FIG4: variants seen among roughly 807,000 people sequenced by gnomAD.
FIG4 encodes the protein polyphosphoinositide phosphatase.
In FIG4, 112 loss-of-function variants were observed where a neutral mutation model predicts 118.6. The observed-to-expected ratio is 0.94, with a 90% CI of 0.81 to 1.11. FIG4 has a LOEUF of 1.11. Among genes scored for constraint, FIG4 ranks in the 50% least tolerant of loss-of-function variants. The probability of loss-of-function intolerance (pLI) is 0.00; values close to 1 mark genes in which losing one functional copy is unlikely to be tolerated. For synonymous variants in FIG4, 369 were observed against 381.2 expected, an observed-to-expected ratio of 0.97 and a Z score of 0.37; for missense variants, 969 against 1,111.7, an observed-to-expected ratio of 0.87 and a Z score of 1.83.
At chr6:109,780,087 T>G (rs1777753257) in intron 16 of FIG4, among the ~76,000 whole-genome samples, 1 of 152,222 alleles carries the variant, frequency 6.6e-6, no homozygotes, top group Non-Finnish European at 1.5e-5. Context: ...ACTTAACTGG[T>G]CTCATTCTGT....
intron 10 of FIG4, among the ~76,000 whole-genome samples, chr6:109,748,088 G>A (rs1436317213): frequency 6.6e-6 from 1 of 152,106 alleles, no homozygotes; most frequent in East Asian, 1.9e-4. Context: ...GTGGAGGTTT[G>A]AAGGGAGTGG....
intron 18 of FIG4, among the ~76,000 whole-genome samples, chr6:109,786,726 C>T (rs926848193): frequency 6.6e-6 from 1 of 152,082 alleles, no homozygotes; most frequent in East Asian, 1.9e-4. Flanking sequence ...TCAGTTTTTT[C>T]ACTGAACATA....
intron 3 of FIG4, among the ~76,000 whole-genome samples, chr6:109,722,502 A>G (rs988917292): frequency 2.6e-5 from 4 of 152,124 alleles, no homozygotes; most frequent in African/African-American, 9.7e-5. Context: ...TAGACTTTAT[A>G]GACTATAACA....
At chr6:109,748,998 G>A (rs1374290548) in intron 10 of FIG4, among the ~76,000 whole-genome samples, 2 of 151,418 alleles carry the variant, frequency 1.3e-5, no homozygotes, top group Admixed American at 6.6e-5. Context: ...TTGGGGTGGG[G>A]AAGAGACAGT....
chr6:109,798,642 C>T (rs1163187825), intron 22 of FIG4, among the ~76,000 whole-genome samples: 1 of 152,156 alleles, frequency 6.6e-6, no homozygotes, highest in Non-Finnish European at 1.5e-5. Flanking sequence ...TGCAGCTGAT[C>T]TTGGCAGGGA....
intron 22 of FIG4, among the ~76,000 whole-genome samples, chr6:109,820,621 C>A (rs1778979810): frequency 1.3e-5 from 2 of 152,004 alleles, no homozygotes; most frequent in East Asian, 3.9e-4. Flanking sequence ...GACAGTATGG[C>A]AAATGTAGGG....
chr6:109,798,389 AAT>A (rs1778342814), intron 22 of FIG4, among the ~76,000 whole-genome samples: 1 of 152,152 alleles, frequency 6.6e-6, no homozygotes, highest in Non-Finnish European at 1.5e-5. Flanking sequence ...ATAGGTATTG[AAT>A]ATGTCTGTGT....
intron 15 of FIG4, among the ~76,000 whole-genome samples, chr6:109,776,526 C>T (rs1003363799): frequency 6.6e-6 from 1 of 152,086 alleles, no homozygotes; most frequent in African/African-American, 2.4e-5. Flanking sequence ...GAAGTCTCTG[C>T]TTGTCTTTGC....
chr6:109,726,149 G>A (rs1358377357), intron 3 of FIG4, among the ~76,000 whole-genome samples: 3 of 152,072 alleles, frequency 2.0e-5, no homozygotes, highest in African/African-American at 4.8e-5. Flanking sequence ...ATTGCTTTTG[G>A]TGTTTTAGAC....
At position 109,727,059 on chromosome 6, in the gene FIG4, G is replaced by T. The variant is rs199855286; in HGVS notation, c.290-50G>T. ...TGGCCTTTTAAATAGGCATCTAAAA[G>T]CCATTACTAAGTTTATAAAGCATAT... On this transcript the variant is annotated intron_variant, in intron 3 of 22. Transcript: ENST00000230124. 6 of 1,415,352 alleles carry T rather than the reference G, an allele frequency of 4.2e-6. No homozygotes were observed. The African/African-American group carries it at 5.6e-5, about 13-fold the overall frequency. The allele number at this position is 1,415,352 out of a possible 1,614,324, so 87.7% of individuals were successfully genotyped here. A position where few individuals can be genotyped will look rare whatever the true frequency, so the allele number is the denominator to read the frequency against.
At chr6:109,726,574 G>A (rs1447328301) in intron 3 of FIG4, among the ~76,000 whole-genome samples, 1 of 151,944 alleles carries the variant, frequency 6.6e-6, no homozygotes, top group East Asian at 1.9e-4. Context: ...GATTGTCTTG[G>A]TGTCTTGGCT....
intron 3 of FIG4, among the ~76,000 whole-genome samples, chr6:109,725,917 A>G (rs1775792453): frequency 6.6e-6 from 1 of 151,990 alleles, no homozygotes; most frequent in African/African-American, 2.4e-5. Flanking sequence ...GTGTCTGTTC[A>G]TATCCTTTGC....
chr6:109,742,189 A>C (rs1253565354), intron 8 of FIG4, among the ~76,000 whole-genome samples: 2 of 152,066 alleles, frequency 1.3e-5, no homozygotes, highest in African/African-American at 4.8e-5. Flanking sequence ...AGAGACAAAA[A>C]TAGCAAAGCA....
At chr6:109,785,685 TCTC>T (rs1381914317) in intron 17 of FIG4, 3 of 470,920 alleles carry the variant, frequency 6.4e-6, no homozygotes, top group Non-Finnish European at 1.3e-5. Flanking sequence ...CCTAGCAAGA[TCTC>T]CTGCGAATCT....
intron 12 of FIG4, among the ~76,000 whole-genome samples, chr6:109,762,882 T>G (rs537352848): frequency 1.4e-3 from 210 of 152,246 alleles, no homozygotes; most frequent in African/African-American, 5.0e-3. Flanking sequence ...CTCCGCCTAT[T>G]GTATTCTGGC....
intron 22 of FIG4, among the ~76,000 whole-genome samples, chr6:109,822,817 ATATATATATATC>A (rs1779047617): frequency 9.1e-6 from 1 of 109,452 alleles, no homozygotes; most frequent in Admixed American, 1.0e-4. Flanking sequence ...ATATATATAT[ATATATATATATC>A]GCTTTCTTCA....
In FIG4 at chr6:109,755,880, C is replaced by G. The variant is rs533277491; in HGVS notation, c.1138-4370C>G. Among the ~76,000 whole-genome samples the G allele has an allele frequency of 1.6e-4, 24 of 152,300 alleles. No homozygotes were observed. The East Asian group carries it at 2.9e-3, about 18-fold the overall frequency. On this transcript the variant is annotated intron_variant, in intron 10 of 22. Coordinates refer to ENST00000230124, the MANE Select transcript of FIG4 (RefSeq NM_014845.6). ...AATACAGCACACTGATGGGTCTTTA[C>G]TCTTTATCCAATTTGCCAGTCTGTG...
chr6:109,706,550 A>C (rs556375401), intron 1 of FIG4, among the ~76,000 whole-genome samples: 34 of 152,280 alleles, frequency 2.2e-4, no homozygotes, highest in African/African-American at 7.9e-4. Context: ...GGTCCTGAAC[A>C]TGCTTTCCTC....
At chr6:109,731,587 T>C (rs1337590690) in intron 4 of FIG4, among the ~76,000 whole-genome samples, 1 of 152,218 alleles carries the variant, frequency 6.6e-6, no homozygotes, top group African/African-American at 2.4e-5. Context: ...ACAGATGTTT[T>C]TCTTGTCATT....
Sources: gnomAD v4.1 joint callset for allele counts (sites outside exome capture counted in the v4.1 genomes callset) on GRCh38, gnomAD v4.1.1 for gene constraint, MANE v1.5 for transcripts, NCBI Gene and HGNC (gene_info 2026-07-23, HGNC 2026-07-21) for gene names.